LRP1: variants seen among roughly 807,000 people sequenced by gnomAD.
The protein encoded by LRP1 is prolow-density lipoprotein receptor-related protein 1.
In LRP1, 51 loss-of-function variants were observed where a neutral mutation model predicts 541.5. The ratio of observed to expected loss-of-function variants is 0.09; its 90% confidence interval spans 0.08 to 0.12. The LOEUF (loss-of-function observed/expected upper bound fraction) is 0.12. Among genes scored for constraint, LRP1 ranks in the 10% least tolerant of loss-of-function variants. The pLI is 1.00. For synonymous variants in LRP1, 2,219 were observed against 2,470.8 expected, an observed-to-expected ratio of 0.90 and a Z score of 3.02; for missense variants, 3,878 against 6,376.2, an observed-to-expected ratio of 0.61 and a Z score of 13.34.
intron 10 of LRP1, 120 bp downstream of exon 10, chr12:57,157,040 G>A: frequency 7.9e-7 from 1 of 1,261,496 alleles, no homozygotes; most frequent in Non-Finnish European, 1.1e-6. Flanking sequence ...GTGTCCCAGA[G>A]TGTACCTGCT....
chr12:57,167,468 C>T lies in LRP1; in HGVS notation c.2939C>T (p.Thr980Ile), dbSNP rs1489887738. 1.2e-6 allele frequency: 2 copies of T among 1,614,130 alleles called. No homozygotes were observed. The highest frequency in any genetic ancestry group is 1.7e-5 in the Admixed American group (1 of 60,026). ...SCAYPTCFPL[T>I]QFTCNNGRCI... Reference sequence around the variant, plus strand: ...GCCTATCCCACCTGCTTCCCCCTGACTCAGTTTACCTGCAACAATGGCAGA... The same window carrying T: ...GCCTATCCCACCTGCTTCCCCCTGATTCAGTTTACCTGCAACAATGGCAGA... The change falls in exon 19 of 89, where the codon ACT becomes ATT. Residue 980 changes from threonine (T) to isoleucine (I), a missense_variant. Transcript: ENST00000243077.
At position 57,154,770 on chromosome 12, in the gene LRP1, C is replaced by A. The variant is rs1265515853; in HGVS notation, c.1227+69C>A. ...CAGGGCCTTCTGGTGAGGGGGGAAG[C>A]CTCTGTAGGGGAACCGTTCTCTGAG... is the stretch of plus-strand genomic sequence containing the variant. On this transcript the variant is annotated intron_variant, in intron 8 of 88. Transcript: ENST00000243077. The surrounding 1 kb of genome is among the most constrained non-coding windows in gnomAD (Gnocchi z 4.6). 1.4e-6 allele frequency: 2 copies of A among 1,401,494 alleles called. No individual in the cohort carries two copies. The highest frequency in any genetic ancestry group is 3.5e-4 in the Middle Eastern group (2 of 5,712). The allele number at this position is 1,401,494 out of a possible 1,614,324, so 86.8% of individuals were successfully genotyped here. A position where few individuals can be genotyped will look rare whatever the true frequency, so the allele number is the denominator to read the frequency against.
chr12:57,144,817 T>G, intron 4 of LRP1, 155 bp from the exon 5 acceptor site: 1 of 714,770 alleles, frequency 1.4e-6, no homozygotes, highest in African/African-American at 1.7e-5. Context: ...ACTTGCTGGG[T>G]GTTAAGGTTT....
chr12:57,155,068 T>A (rs2136675064), intron 8 of LRP1: 1 of 514,246 alleles, frequency 1.9e-6, no homozygotes, highest in Admixed American at 3.5e-5. Flanking sequence ...GTGATAGCAC[T>A]GGAACTTGTT....
At position 57,200,553 on chromosome 12, in the gene LRP1, G is replaced by A; in HGVS notation, c.10108+18G>A. 1 of 1,606,972 alleles carries A rather than the reference G, an allele frequency of 6.2e-7. No individual in the cohort carries two copies. The highest frequency in any genetic ancestry group is 8.5e-7 in the Non-Finnish European group (1 of 1,173,944). Reference sequence around the variant, plus strand: ...GGACTGCCGTGAGTGCCTGCTGGGGGTGACAGGAGGGCCCCCAGCTGTGTC... The same window carrying A: ...GGACTGCCGTGAGTGCCTGCTGGGGATGACAGGAGGGCCCCCAGCTGTGTC... On this transcript the variant is annotated intron_variant, in intron 63 of 88. Coordinates refer to ENST00000243077, the MANE Select transcript of LRP1 (RefSeq NM_002332.3).
At chr12:57,164,662 A>C (rs1469228685) in intron 15 of LRP1, 1 of 152,230 alleles carries the variant, frequency 6.6e-6, no homozygotes, top group African/African-American at 2.4e-5. Flanking sequence ...AAGTTAGAGC[A>C]GGATTTAAAC....
Position 57,166,936 on chromosome 12 carries a change from C to A in LRP1, c.2804C>A (p.Thr935Asn). The change falls in exon 18 of 89, where the codon ACC (threonine) becomes AAC (asparagine). Residue 935 changes from threonine (T) to asparagine (N), a missense_variant. Transcript: ENST00000243077. ...ACCCATCCCTGCCCCCCAGCCCGCA[C>A]CTGCCCCCCCAACCAGTTCTCCTGT... Reference protein sequence around the residue: ...DESNATCSARTCPPNQFSCAS... With the variant: ...DESNATCSARNCPPNQFSCAS... The A allele has an allele frequency of 6.2e-7, 1 of 1,609,710 alleles. No homozygotes were observed.
rs892194651 is a variant in LRP1 at position 57,179,194 on chromosome 12, A to C, written c.4739-135A>C. On this transcript the variant is annotated intron_variant, in intron 28 of 88. Transcript: ENST00000243077. The surrounding 1 kb of genome is among the most constrained non-coding windows in gnomAD (Gnocchi z 6.8). The stretch of plus-strand genomic sequence containing the variant: ...GCTGCAGGTCTGCCAGGGGGGCTGC[A>C]CCCAGCGGGGTATGTCCACGGAGCC... 3 of 1,180,418 alleles carry C rather than the reference A, an allele frequency of 2.5e-6. No individual in the cohort carries two copies. In the Admixed American group the frequency reaches 6.5e-5, roughly 25 times the overall value. The allele number at this position is 1,180,418 out of a possible 1,614,324, so 73.1% of individuals were successfully genotyped here. A position where few individuals can be genotyped will look rare whatever the true frequency, so the allele number is the denominator to read the frequency against.
rs2036693907 is a variant in LRP1, at chr12:57,203,227, C to T, written c.10758C>T (p.Arg3586=). The change falls in exon 69 of 89, where the codon CGC becomes CGT. Residue 3586 remains arginine, a synonymous_variant. Transcript: ENST00000243077. ...SESEFSCANG[R]CIAGRWKCDG... ...GTGAGTTCTCCTGTGCCAACGGCCG[C>T]TGCATCGCGGGGCGCTGGAAATGCG... 1 of 1,610,980 alleles carries T rather than the reference C, an allele frequency of 6.2e-7. No homozygotes were observed.
rs1460708042 is a variant in LRP1, at chr12:57,154,065, A to C, written c.842-143A>C. On this transcript the variant is annotated intron_variant, in intron 6 of 88. Coordinates refer to ENST00000243077, the MANE Select transcript of LRP1 (RefSeq NM_002332.3). This position sits in a 1 kb window ranked among gnomAD's most constrained non-coding sequence, Gnocchi z 4.6. ...TTTACGCAAGCCCTCCTGTATATCC[A>C]CTCTGAGCTAAGCATGGGGGTGTTG... The C allele has an allele frequency of 5.5e-6, 4 of 731,004 alleles. No homozygotes were observed. Among genetic ancestry groups the C allele is most frequent in the Non-Finnish European group, 9.4e-6 (4 of 425,760 alleles). The allele number at this position is 731,004 out of a possible 1,614,324, so 45.3% of individuals were successfully genotyped here. A position where few individuals can be genotyped will look rare whatever the true frequency, so the allele number is the denominator to read the frequency against.
At chr12:57,171,202 C>A (rs1173127676) in intron 20 of LRP1, among the ~76,000 whole-genome samples, 1 of 152,170 alleles carries the variant, frequency 6.6e-6, no homozygotes. Flanking sequence ...CCTGGGCATC[C>A]TCCTTTATGA....
At chr12:57,195,190 A>G in intron 51 of LRP1, 81 bp from the exon 52 acceptor site, 2 of 1,571,640 alleles carry the variant, frequency 1.3e-6, no homozygotes, top group Non-Finnish European at 1.7e-6. Context: ...ACCCCTGCAG[A>G]CGACGGCGAA....
intron 20 of LRP1, among the ~76,000 whole-genome samples, chr12:57,170,488 G>A (rs538479473): frequency 2.0e-5 from 3 of 151,578 alleles, no homozygotes; most frequent in South Asian, 2.1e-4. Flanking sequence ...AGACCAACCT[G>A]GTTAACATAG....
At chr12:57,193,837 C>A (rs541283786) in intron 47 of LRP1, 62 bp from the exon 48 acceptor site, 4 of 1,586,580 alleles carry the variant, frequency 2.5e-6, no homozygotes, top group East Asian at 2.2e-5. Context: ...CTCTGTCCTG[C>A]GTCCTTCTGG....
chr12:57,181,387 A>G, intron 34 of LRP1, 96 bp downstream of exon 34: 5 of 1,452,230 alleles, frequency 3.4e-6, no homozygotes, highest in Non-Finnish European at 4.6e-6. Context: ...CCTTGGGGAC[A>G]AGACTACATT....
In LRP1 at chr12:57,158,437, G is replaced by A; in HGVS notation, c.1597G>A (p.Gly533Ser). ...TGAGCTGTTCCTCGTGTATGGCAAG[G>A]GCCGGCCAGGCATCATCCGGGGCAT... ...EHELFLVYGKGRPGIIRGMDM... is the reference protein window; with the variant it reads ...EHELFLVYGKSRPGIIRGMDM... The change falls in exon 11 of 89, where the codon GGC becomes AGC. Residue 533 changes from glycine (G) to serine (S), a missense_variant. This residue lies in a region of LRP1 where 496 missense variants were observed against 861.0 expected (regional missense o/e 0.58). Transcript: ENST00000243077. The surrounding 1 kb of genome is among the most constrained non-coding windows in gnomAD (Gnocchi z 5.3). 6.2e-7 allele frequency: 1 copy of A among 1,613,606 alleles called. No individual in the cohort carries two copies. Among genetic ancestry groups the A allele is most frequent in the South Asian group, 1.1e-5 (1 of 91,074 alleles).
At chr12:57,207,087 A>G (rs2036795913) in intron 76 of LRP1, among the ~76,000 whole-genome samples, 1 of 151,990 alleles carries the variant, frequency 6.6e-6, no homozygotes, top group African/African-American at 2.4e-5. Context: ...TAAAAAATAC[A>G]AAAAAATTAG....
Position 57,205,488 on chromosome 12 carries a change from A to C in LRP1, c.11470+3A>C. 6.2e-7 allele frequency: 1 copy of C among 1,610,860 alleles called. No homozygotes were observed. Among genetic ancestry groups the C allele is most frequent in the Non-Finnish European group, 8.5e-7 (1 of 1,177,838 alleles). On this transcript the variant is annotated splice_donor_region_variant and intron_variant, in intron 74 of 88. Coordinates refer to ENST00000243077, the MANE Select transcript of LRP1 (RefSeq NM_002332.3). The surrounding 1 kb of genome is among the most constrained non-coding windows in gnomAD (Gnocchi z 4.6). ...GCCCGGCCAGCCCGGATGCCAAGGT[A>C]GGAAAGCGGGGCAGAGCAGGGGTGG...
At position 57,200,372 on chromosome 12, in the gene LRP1, C is replaced by A; in HGVS notation, c.10015-70C>A. 4.2e-6 allele frequency: 4 copies of A among 946,152 alleles called. No individual in the cohort carries two copies. In the East Asian group the frequency reaches 7.5e-5, roughly 18 times the overall value. The allele number at this position is 946,152 out of a possible 1,614,324, so 58.6% of individuals were successfully genotyped here. A position where few individuals can be genotyped will look rare whatever the true frequency, so the allele number is the denominator to read the frequency against. On this transcript the variant is annotated intron_variant, in intron 62 of 88. Coordinates refer to ENST00000243077, the MANE Select transcript of LRP1 (RefSeq NM_002332.3). ...CCTCAACTTCTTTGAAACATCCAAG[C>A]CCCTCAAAAGAAAGACTTCTGAGTC...
Sources: gnomAD v4.1 joint callset for allele counts (sites outside exome capture counted in the v4.1 genomes callset) on GRCh38, gnomAD v4.1.1 for gene constraint, gnomAD v4.1.1 regional missense constraint, Gnocchi (gnomAD v3.1) non-coding constraint, MANE v1.5 for transcripts, NCBI Gene and HGNC (gene_info 2026-07-23, HGNC 2026-07-21) for gene names.